The following ADAMTS20 variants were observed in gnomAD, a reference collection of about 807,000 sequenced individuals.
ADAMTS20 encodes the protein ADAM metallopeptidase with thrombospondin type 1 motif 20.
ADAMTS20 carries 225 observed loss-of-function variants against 260.1 expected under a neutral mutation model. The ratio of observed to expected loss-of-function variants is 0.87; its 90% confidence interval spans 0.78 to 0.97. ADAMTS20 has a LOEUF of 0.97. ADAMTS20 is among the 50% of genes least tolerant of loss of function. The pLI is 0.00. For synonymous variants in ADAMTS20, 802 were observed against 769.5 expected (o/e 1.04, Z -0.70); for missense variants, 2,400 against 2,337.7 (o/e 1.03, Z -0.55).
At chr12:43,402,549 C>G (rs1439133484) in intron 28 of ADAMTS20, among the ~76,000 whole-genome samples, 1 of 151,918 alleles carries the variant, frequency 6.6e-6, no homozygotes, top group Non-Finnish European at 1.5e-5. Flanking sequence ...GTTATGCAAA[C>G]AGTTATGTTT....
At chr12:43,478,908 C>G (rs1387513613) in intron 7 of ADAMTS20, among the ~76,000 whole-genome samples, 1 of 152,000 alleles carries the variant, frequency 6.6e-6, no homozygotes, top group African/African-American at 2.4e-5. Context: ...GTGTAGGTAC[C>G]CTGGGCACCT....
rs139377975 is a variant in ADAMTS20, at chr12:43,526,938, A to G, written c.613+5098T>C. ...AAAAGATAAACAAAATTAATAGACC[A>G]TTAGTGAGATTATCCAAGAAAAGAA... On this transcript the variant is annotated intron_variant, in intron 3 of 38. Transcript: ENST00000389420. Among the ~76,000 whole-genome samples, 119 of 152,330 alleles carry G rather than the reference A, an allele frequency of 7.8e-4. 1 individual carries two copies. The highest frequency in any genetic ancestry group is 2.8e-3 in the African/African-American group (117 of 41,592).
At chr12:43,455,485 G>A (rs1355270210) in intron 11 of ADAMTS20, among the ~76,000 whole-genome samples, 1 of 152,114 alleles carries the variant, frequency 6.6e-6, no homozygotes, top group Non-Finnish European at 1.5e-5. Flanking sequence ...GAAGGACCGA[G>A]ACAGCTCAAT....
At chr12:43,537,138 C>T (rs1397264001) in intron 2 of ADAMTS20, among the ~76,000 whole-genome samples, 3 of 152,086 alleles carry the variant, frequency 2.0e-5, no homozygotes, top group African/African-American at 7.2e-5. Flanking sequence ...GGCATGATCT[C>T]AGCTCACTGC....
Position 43,551,171 on chromosome 12 carries a change from T to G in ADAMTS20, c.191A>C (p.Gln64Pro). 6.2e-7 allele frequency: 1 copy of G among 1,613,974 alleles called. No individual in the cohort carries two copies. Residue 64 changes from glutamine (Q) to proline (P), a missense_variant, in exon 2 of 39, where the codon CAG becomes CCG. Gln to Pro is a moderately conservative substitution (Grantham distance 76). Transcript: ENST00000389420. The surrounding 1 kb of genome is among the most constrained non-coding windows in gnomAD (Gnocchi z 4.6). ...TTCCAGCGCCTCGGAGCTGCGTTTC[T>G]GCCGGCTGAAGTGGTGGCTCTGAGG... ...VFPQSHHFSR[Q>P]KRSSEALEPM... is the part of the protein sequence containing the mutation.
At chr12:43,488,158 G>A (rs1009419087) in intron 7 of ADAMTS20, among the ~76,000 whole-genome samples, 3 of 151,936 alleles carry the variant, frequency 2.0e-5, no homozygotes, top group African/African-American at 7.3e-5. Context: ...AGTTGAGCGA[G>A]GGAAGAAAAG....
chr12:43,362,618 A>T (rs905891181), intron 37 of ADAMTS20, among the ~76,000 whole-genome samples: 3 of 152,094 alleles, frequency 2.0e-5, no homozygotes, highest in African/African-American at 7.2e-5. Flanking sequence ...GATAACTATA[A>T]CCACCACTTA....
rs747496684 is a variant in ADAMTS20, at chr12:43,420,800, C to CTT, written c.4284+4712_4284+4713dup. 8.8e-3 allele frequency among the ~76,000 whole-genome samples: 491 copies of CTT among 55,500 alleles called. 3 individuals are homozygous for CTT. The highest frequency in any genetic ancestry group is 0.012 in the Non-Finnish European group (400 of 32,716). The allele number at this position is 55,500 out of a possible 152,430, so 36.4% of individuals were successfully genotyped here. ...TCTTCTTCTTCTCCTCCTCCTCCTT[C>CTT]TTTTTTTTTTTTTTTTTTTTTTTTT... is the stretch of plus-strand genomic sequence containing the variant. On this transcript the variant is annotated intron_variant, in intron 28 of 38. Transcript: ENST00000389420.
intron 29 of ADAMTS20, among the ~76,000 whole-genome samples, chr12:43,395,639 T>A (rs1242104396): frequency 6.6e-6 from 1 of 151,582 alleles, no homozygotes; most frequent in Non-Finnish European, 1.5e-5. Context: ...AGAGGCTGAT[T>A]TGACCTGGTT....
rs185945307 is a variant in ADAMTS20, at chr12:43,357,080, T to A, written c.5539-492A>T. 1.4e-3 allele frequency among the ~76,000 whole-genome samples: 217 copies of A among 152,332 alleles called. 1 individual carries two copies. The highest frequency in any genetic ancestry group is 5.1e-3 in the African/African-American group (213 of 41,590). ...CACATTATGGTGTGTGGGTCCCCTA[T>A]GAGCTTCATGATCTAATTCTTTCCA... On this transcript the variant is annotated intron_variant, in intron 37 of 38. Coordinates refer to ENST00000389420, the MANE Select transcript of ADAMTS20 (RefSeq NM_025003.5).
chr12:43,497,012 A>G (rs1486220857), intron 4 of ADAMTS20, among the ~76,000 whole-genome samples: 4 of 152,194 alleles, frequency 2.6e-5, no homozygotes, highest in Non-Finnish European at 1.5e-5. Flanking sequence ...TTTCTAACGT[A>G]TCATCCTATT....
At chr12:43,387,320 C>T (rs926102017) in intron 29 of ADAMTS20, among the ~76,000 whole-genome samples, 1 of 152,198 alleles carries the variant, frequency 6.6e-6, no homozygotes, top group Non-Finnish European at 1.5e-5. Context: ...CCAGCAGAGG[C>T]TGCAGAACAG....
At chr12:43,532,551 T>TTC (rs1437891727) in intron 2 of ADAMTS20, among the ~76,000 whole-genome samples, 6 of 87,884 alleles carry the variant, frequency 6.8e-5, no homozygotes, top group African/African-American at 2.4e-4. Context: ...TTTTTTTTTT[T>TTC]AATGTTTTTT....
At chr12:43,382,527 T>C (rs993661652) in intron 31 of ADAMTS20, among the ~76,000 whole-genome samples, 1 of 152,090 alleles carries the variant, frequency 6.6e-6, no homozygotes, top group African/African-American at 2.4e-5. Context: ...GATATTTTTT[T>C]GGGAGTGATA....
At chr12:43,520,484 C>G (rs1413903390) in intron 3 of ADAMTS20, among the ~76,000 whole-genome samples, 1 of 151,998 alleles carries the variant, frequency 6.6e-6, no homozygotes, top group Non-Finnish European at 1.5e-5. Flanking sequence ...AAGTTAAAAG[C>G]AAAGTGTGCC....
Position 43,452,292 on chromosome 12 carries a change from A to G in ADAMTS20, c.2061T>C (p.Cys687=). ...TPCGTETHDI[C]VQGQCMAAGC... is the part of the protein sequence containing the mutation. The stretch of plus-strand genomic sequence containing the variant: ...TACTTACCATACACTGGCCTTGAAC[A>G]CAGATGTCATGAGTTTCAGTTCCAC... The change falls in exon 14 of 39, where the codon TGT becomes TGC. Residue 687 remains cysteine (C), a synonymous_variant. Coordinates refer to ENST00000389420, the MANE Select transcript of ADAMTS20 (RefSeq NM_025003.5). The G allele has an allele frequency of 6.2e-7, 1 of 1,611,802 alleles. No individual in the cohort carries two copies. Among genetic ancestry groups the G allele is most frequent in the Non-Finnish European group, 8.5e-7 (1 of 1,179,048 alleles).
In ADAMTS20 at chr12:43,501,461, A is replaced by ACGCGCG. The variant is rs3036316; in HGVS notation, c.867+685_867+690dup. On this transcript the variant is annotated intron_variant, in intron 4 of 38. Transcript: ENST00000389420. ...ATGTCCCAGGGTGGTGGAGGGGGAT[A>ACGCGCG]CGCGCGCGCGCGCGCGCGCGCACAC... 6.9e-5 allele frequency among the ~76,000 whole-genome samples: 9 copies of ACGCGCG among 131,238 alleles called. No individual in the cohort carries two copies. In the East Asian group the frequency reaches 1.3e-3, roughly 19 times the overall value. 86.1% of individuals were successfully genotyped at this position (131,238 alleles called of 152,430 possible).
At chr12:43,365,342 G>A (rs113990777) in intron 37 of ADAMTS20, among the ~76,000 whole-genome samples, 2 of 152,002 alleles carry the variant, frequency 1.3e-5, no homozygotes, top group African/African-American at 2.4e-5. Context: ...AGTTAATTAT[G>A]TAGATAATTA....
At position 43,428,625 on chromosome 12, in the gene ADAMTS20, G is replaced by A. The variant is rs780773851; in HGVS notation, c.3654+10C>T. ...TTTTCATTTTCTTTTTTTCTCATAAGAATACTTACGGGTGACCAATCCCCT... is the reference window on the plus strand; with the variant it reads ...TTTTCATTTTCTTTTTTTCTCATAAAAATACTTACGGGTGACCAATCCCCT... On this transcript the variant is annotated intron_variant, in intron 25 of 38. Transcript: ENST00000389420. 3.3e-6 allele frequency: 5 copies of A among 1,537,688 alleles called. No individual in the cohort carries two copies. The highest frequency in any genetic ancestry group is 4.4e-6 in the Non-Finnish European group (5 of 1,145,886).
Sources: gnomAD v4.1 joint callset for allele counts (sites outside exome capture counted in the v4.1 genomes callset) on GRCh38, gnomAD v4.1.1 for gene constraint, Gnocchi (gnomAD v3.1) non-coding constraint, MANE v1.5 for transcripts, NCBI Gene and HGNC (gene_info 2026-07-23, HGNC 2026-07-21) for gene names.